Variants in ATF7IP observed in about 807,000 individuals in gnomAD.
The protein encoded by ATF7IP is activating transcription factor 7-interacting protein 1.
In ATF7IP, 23 loss-of-function variants were observed where a neutral mutation model predicts 106.4. The observed-to-expected ratio is 0.22, with a 90% CI of 0.16 to 0.31. The LOEUF is 0.31. ATF7IP is among the 10% of genes least tolerant of loss of function. ATF7IP has a pLI of 1.00. For synonymous variants in ATF7IP, 542 were observed against 539.0 expected, an observed-to-expected ratio of 1.01 and a Z score of -0.08; for missense variants, 1,334 against 1,524.3, an observed-to-expected ratio of 0.88 and a Z score of 2.08.
At position 14,434,443 on chromosome 12, in the gene ATF7IP, C is replaced by T. The variant is rs1296886889; in HGVS notation, c.1645+20C>T. The T allele has an allele frequency of 4.1e-6, 5 of 1,232,100 alleles. No individual in the cohort carries two copies. Among genetic ancestry groups the T allele is most frequent in the East Asian group, 2.4e-5 (1 of 41,574 alleles). The allele number at this position is 1,232,100 out of a possible 1,614,324, so 76.3% of individuals were successfully genotyped here. ...AGAAAAGTATGCATGTATAAACAAA[C>T]TTGAACTGGATTGAAAAATAATAAT... is the stretch of plus-strand genomic sequence containing the variant. On this transcript the variant is annotated intron_variant, in intron 3 of 14. Coordinates refer to ENST00000261168, the MANE Select transcript of ATF7IP (RefSeq NM_018179.5).
chr12:14,429,266 T>C (rs1452679509), intron 2 of ATF7IP, among the ~76,000 whole-genome samples: 1 of 152,176 alleles, frequency 6.6e-6, no homozygotes, highest in African/African-American at 2.4e-5. Context: ...CTTCCATACT[T>C]GGATGACCTC....
intron 1 of ATF7IP, among the ~76,000 whole-genome samples, chr12:14,388,307 C>G (rs922971111): frequency 1.2e-4 from 18 of 151,906 alleles, no homozygotes; most frequent in African/African-American, 4.4e-4. Context: ...GCCTTGGCCT[C>G]CCAAATTGCT....
intron 5 of ATF7IP, among the ~76,000 whole-genome samples, chr12:14,442,214 A>G (rs947180807): frequency 2.0e-5 from 3 of 152,152 alleles, no homozygotes; most frequent in African/African-American, 7.2e-5. Flanking sequence ...TGGGGATTAC[A>G]CTTAACATCT....
intron 1 of ATF7IP, among the ~76,000 whole-genome samples, chr12:14,406,892 A>G (rs1021165405): frequency 1.3e-5 from 2 of 152,124 alleles, no homozygotes; most frequent in African/African-American, 2.4e-5. Context: ...ATGCCCGGAC[A>G]GTGTTTTTAA....
intron 13 of ATF7IP, among the ~76,000 whole-genome samples, chr12:14,495,544 A>G (rs1353736275): frequency 6.6e-6 from 1 of 152,228 alleles, no homozygotes; most frequent in Non-Finnish European, 1.5e-5. Context: ...AGCATGGGCC[A>G]GGTACTGAAT....
intron 10 of ATF7IP, among the ~76,000 whole-genome samples, chr12:14,468,997 T>C (rs1943937757): frequency 1.3e-5 from 2 of 152,212 alleles, no homozygotes; most frequent in African/African-American, 4.8e-5. Context: ...TTAAGTACAA[T>C]TGGCTAACTT....
intron 1 of ATF7IP, among the ~76,000 whole-genome samples, chr12:14,380,429 G>C (rs1472213884): frequency 6.6e-6 from 1 of 152,112 alleles, no homozygotes; most frequent in Non-Finnish European, 1.5e-5. Flanking sequence ...CAGCCATTTT[G>C]GGAGAGTTCT....
chr12:14,418,146 A>G (rs889275997), intron 1 of ATF7IP, among the ~76,000 whole-genome samples: 2 of 152,106 alleles, frequency 1.3e-5, no homozygotes, highest in African/African-American at 4.8e-5. Context: ...TGAAAAAAAA[A>G]TTTCCAAGCC....
chr12:14,463,924 A>G (rs533816078), intron 9 of ATF7IP, among the ~76,000 whole-genome samples: 6 of 152,248 alleles, frequency 3.9e-5, no homozygotes, highest in Non-Finnish European at 5.9e-5. Context: ...TAAACTAGAT[A>G]TTAAAAAAAG....
chr12:14,471,876 AC>A (rs1490425725), intron 10 of ATF7IP, among the ~76,000 whole-genome samples: 1 of 152,064 alleles, frequency 6.6e-6, no homozygotes, highest in Non-Finnish European at 1.5e-5. Flanking sequence ...AGGAGGTAGG[AC>A]CCTGTATTCA....
chr12:14,491,420 G>A (rs549717382), intron 13 of ATF7IP, among the ~76,000 whole-genome samples: 158 of 152,280 alleles, frequency 1.0e-3, no homozygotes, highest in African/African-American at 3.6e-3. Context: ...TTTTACTGAG[G>A]TAGAAGATCC....
At position 14,502,443 on chromosome 12, in the gene ATF7IP, A is replaced by G. The variant is rs1324650858; in HGVS notation, c.*4370A>G. ...TTTTCAAATAATTTACCATGTTAAA[A>G]TAAACTTTTCTTTGTTTTTTATTTG... On this transcript the variant is annotated 3_prime_UTR_variant, in exon 15 of 15. Coordinates refer to ENST00000261168, the MANE Select transcript of ATF7IP (RefSeq NM_018179.5). 1 of 152,168 alleles carries G rather than the reference A, an allele frequency of 6.6e-6. No individual in the cohort carries two copies. Among genetic ancestry groups the G allele is most frequent in the Non-Finnish European group, 1.5e-5 (1 of 68,022 alleles). The allele number at this position is 152,168 out of a possible 1,614,324, so 9.4% of individuals were successfully genotyped here.
chr12:14,397,615 C>T (rs186582825), intron 1 of ATF7IP, among the ~76,000 whole-genome samples: 1 of 152,268 alleles, frequency 6.6e-6, no homozygotes, highest in Admixed American at 6.5e-5. Flanking sequence ...TAGCCCCCCA[C>T]TTTCTGTCTG....
chr12:14,460,522 C>T lies in ATF7IP; in HGVS notation c.2186C>T (p.Pro729Leu). 1 of 1,614,036 alleles carries T rather than the reference C, an allele frequency of 6.2e-7. No homozygotes were observed. Among genetic ancestry groups the T allele is most frequent in the Non-Finnish European group, 8.5e-7 (1 of 1,179,946 alleles). Residue 729 changes from proline (P) to leucine (L), a missense_variant, in exon 9 of 15, where the codon CCA (proline) becomes CTA (leucine). Coordinates refer to ENST00000261168, the MANE Select transcript of ATF7IP (RefSeq NM_018179.5). ...TCTTCAACCAATCTTGTCACTCCTC[C>T]AGCAGTTGTCAGTAGTCAACCTAAA... ...TVSSTNLVTPPAVVSSQPKLQ... is the reference protein window; with the variant it reads ...TVSSTNLVTPLAVVSSQPKLQ...
At chr12:14,415,323 G>A (rs932074322) in intron 1 of ATF7IP, among the ~76,000 whole-genome samples, 1 of 152,146 alleles carries the variant, frequency 6.6e-6, no homozygotes, top group Non-Finnish European at 1.5e-5. Flanking sequence ...GTAATTTTAA[G>A]GTATCTTATG....
At chr12:14,474,350 T>G (rs1211431035) in intron 10 of ATF7IP, among the ~76,000 whole-genome samples, 1 of 151,704 alleles carries the variant, frequency 6.6e-6, no homozygotes, top group African/African-American at 2.4e-5. Context: ...TTTCTTTTTC[T>G]CTTTTGAAAT....
At chr12:14,398,303 A>G (rs969542662) in intron 1 of ATF7IP, among the ~76,000 whole-genome samples, 5 of 151,072 alleles carry the variant, frequency 3.3e-5, no homozygotes, top group African/African-American at 1.2e-4. Flanking sequence ...TTTAATCTGA[A>G]TATCATTTTA....
rs565009840 is a variant in ATF7IP at position 14,470,109 on chromosome 12, G to A, written c.2862+3519G>A. Among the ~76,000 whole-genome samples, 8 of 152,286 alleles carry A rather than the reference G, an allele frequency of 5.3e-5. No individual in the cohort carries two copies. In the South Asian group the frequency reaches 1.7e-3, roughly 32 times the overall value. On this transcript the variant is annotated intron_variant, in intron 10 of 14. Transcript: ENST00000261168. ...CATGACTTCCAAGGGCAACGTTCTT[G>A]ATAACTAACCAAGTCTCAATTATGG...
chr12:14,426,299 CT>C, intron 2 of ATF7IP, among the ~76,000 whole-genome samples: 1 of 152,212 alleles, frequency 6.6e-6, no homozygotes, highest in Middle Eastern at 3.4e-3. Flanking sequence ...ATGAAACTTT[CT>C]AAGCCTGTGG....
Sources: allele counts gnomAD v4.1 joint callset (sites outside exome capture counted in the v4.1 genomes callset), GRCh38; gene constraint gnomAD v4.1.1; transcripts MANE v1.5; gene names NCBI Gene and HGNC (gene_info 2026-07-23, HGNC 2026-07-21).